Variants in SS18 observed in about 807,000 individuals in gnomAD.
SS18 encodes the protein SS18 subunit of BAF chromatin remodeling complex.
A neutral mutation model predicts 72.5 loss-of-function variants in SS18; 28 were observed. The observed-to-expected ratio is 0.39, with a 90% CI of 0.29 to 0.53. The LOEUF (loss-of-function observed/expected upper bound fraction) is 0.53. Among genes scored for constraint, SS18 ranks in the 20% least tolerant of loss-of-function variants. The probability of loss-of-function intolerance (pLI) is 0.76; values close to 1 mark genes in which losing one functional copy is unlikely to be tolerated. For synonymous variants in SS18, 172 were observed against 164.2 expected, an observed-to-expected ratio of 1.05 and a Z score of -0.37; for missense variants, 518 against 535.3, an observed-to-expected ratio of 0.97 and a Z score of 0.32.
At chr18:26,090,879 C>T, upstream of SS18, 1 of 407,656 alleles carries the variant, frequency 2.5e-6, no homozygotes, top group Non-Finnish European at 4.4e-6. Context: ...CTAGTCCTCC[C>T]TCCGCTTCAG....
intron 3 of SS18, among the ~76,000 whole-genome samples, chr18:26,062,882 G>A (rs747951904): frequency 6.6e-6 from 1 of 152,046 alleles, no homozygotes; most frequent in African/African-American, 2.4e-5. Context: ...TAAAGTAAAA[G>A]TTGACAGAAC....
At chr18:26,080,613 A>C (rs934122120) in intron 2 of SS18, among the ~76,000 whole-genome samples, 1 of 152,226 alleles carries the variant, frequency 6.6e-6, no homozygotes, top group African/African-American at 2.4e-5. Context: ...GTTTCATTTT[A>C]AGACATTTGC....
intron 3 of SS18, among the ~76,000 whole-genome samples, chr18:26,058,774 T>C (rs1480291872): frequency 6.6e-6 from 1 of 152,254 alleles, no homozygotes; most frequent in African/African-American, 2.4e-5. Context: ...ATCAGAATTT[T>C]AATTTCTTCA....
intron 3 of SS18, chr18:26,068,263 C>T (rs548075777): frequency 6.6e-6 from 1 of 151,838 alleles, no homozygotes; most frequent in Non-Finnish European, 1.5e-5. Context: ...TAGATGCTTT[C>T]TTTTTTTTAC....
chr18:26,068,788 T>G (rs1598595108), intron 3 of SS18, among the ~76,000 whole-genome samples: 1 of 152,240 alleles, frequency 6.6e-6, no homozygotes, highest in African/African-American at 2.4e-5. Flanking sequence ...TAAGACTACA[T>G]AGCCTCAATC....
intron 2 of SS18, among the ~76,000 whole-genome samples, chr18:26,086,254 G>C (rs554154630): frequency 6.6e-6 from 1 of 152,186 alleles, no homozygotes; most frequent in East Asian, 1.9e-4. Flanking sequence ...GGTATCCATG[G>C]GGAGTCCTGG....
chr18:26,059,262 G>A (rs542777541), intron 3 of SS18, among the ~76,000 whole-genome samples: 7 of 152,258 alleles, frequency 4.6e-5, no homozygotes, highest in Non-Finnish European at 1.0e-4. Context: ...CTGAAAGAAC[G>A]GAAGCATATA....
chr18:26,072,894 G>A (rs538483951), intron 3 of SS18, among the ~76,000 whole-genome samples: 74 of 148,282 alleles, frequency 5.0e-4, no homozygotes, highest in Non-Finnish European at 9.1e-4. Context: ...ACATCTCTCA[G>A]TAATCGATAG....
chr18:26,027,723 T>A (rs895300650), intron 10 of SS18, among the ~76,000 whole-genome samples: 1 of 124,030 alleles, frequency 8.1e-6, no homozygotes, highest in Non-Finnish European at 1.7e-5. Context: ...AACAAATGAC[T>A]CTGAGAAAAT....
intron 2 of SS18, among the ~76,000 whole-genome samples, chr18:26,083,271 CTG>C (rs2054560735): frequency 6.7e-6 from 1 of 150,160 alleles, no homozygotes; most frequent in Non-Finnish European, 1.5e-5. Context: ...ATATATATAT[CTG>C]AAAAAGTTGA....
At chr18:26,069,677 ATGTT>A (rs1425334975) in intron 3 of SS18, among the ~76,000 whole-genome samples, 1 of 152,206 alleles carries the variant, frequency 6.6e-6, no homozygotes. Context: ...TAGCTTAAAA[ATGTT>A]TGATTATACA....
chr18:26,051,536 C>G (rs1193405536), intron 5 of SS18, among the ~76,000 whole-genome samples: 1 of 152,190 alleles, frequency 6.6e-6, no homozygotes, highest in African/African-American at 2.4e-5. Flanking sequence ...GAGTTGCTGT[C>G]AGAATCATCA....
chr18:26,063,530 A>G (rs1473061941), intron 3 of SS18, among the ~76,000 whole-genome samples: 2 of 152,190 alleles, frequency 1.3e-5, no homozygotes, highest in African/African-American at 2.4e-5. Context: ...AAAGAAAAAA[A>G]TAATAATAAT....
At position 26,090,188 on chromosome 18, in the gene SS18, C is replaced by A. The variant is rs1598623518; in HGVS notation, c.69+313G>T. 1.2e-5 allele frequency: 5 copies of A among 420,008 alleles called. No homozygotes were observed. In the South Asian group the frequency reaches 1.5e-4, roughly 13 times the overall value. The allele number at this position is 420,008 out of a possible 1,614,324, so 26.0% of individuals were successfully genotyped here. A position where few individuals can be genotyped will look rare whatever the true frequency, so the allele number is the denominator to read the frequency against. ...GGTCCGACACACGCCCTTCCCTGAG[C>A]GGCCGCCGCCGGGCGCACGCGCCCC... On this transcript the variant is annotated intron_variant, in intron 1 of 10. Transcript: ENST00000415083.
intron 10 of SS18, among the ~76,000 whole-genome samples, 159 bp downstream of exon 10, chr18:26,032,240 A>C (rs1319581420): frequency 6.6e-6 from 1 of 152,172 alleles, no homozygotes; most frequent in Non-Finnish European, 1.5e-5. Flanking sequence ...AAACAGCATG[A>C]ATCTCAAAAG....
At chr18:26,062,350 C>A (rs1472982796) in intron 3 of SS18, among the ~76,000 whole-genome samples, 1 of 152,124 alleles carries the variant, frequency 6.6e-6, no homozygotes, top group East Asian at 1.9e-4. Flanking sequence ...ATTTAGACAA[C>A]CTGATAAACT....
intron 4 of SS18, among the ~76,000 whole-genome samples, chr18:26,054,591 A>G (rs1034084143): frequency 3.3e-5 from 5 of 152,198 alleles, no homozygotes; most frequent in African/African-American, 1.2e-4. Flanking sequence ...CTATTTACAT[A>G]TGGAATAAAA....
chr18:26,089,583 G>C (rs2054677685), intron 1 of SS18, among the ~76,000 whole-genome samples: 1 of 152,194 alleles, frequency 6.6e-6, no homozygotes. Flanking sequence ...AAATACAGCA[G>C]CAACTTCTGA....
intron 1 of SS18, among the ~76,000 whole-genome samples, 183 bp from the exon 2 acceptor site, chr18:26,087,760 T>C (rs186704167): frequency 7.9e-5 from 12 of 152,266 alleles, no homozygotes; most frequent in Admixed American, 3.3e-4. Context: ...TAAGCAAACA[T>C]GGAAACACAA....
Sources: gnomAD v4.1 joint callset for allele counts (sites outside exome capture counted in the v4.1 genomes callset) on GRCh38, gnomAD v4.1.1 for gene constraint, MANE v1.5 for transcripts, NCBI Gene and HGNC (gene_info 2026-07-23, HGNC 2026-07-21) for gene names.